Variants in PARP10 observed in about 807,000 individuals in gnomAD.
PARP10 encodes the protein poly(ADP-ribose) polymerase family member 10.
PARP10 carries 56 observed loss-of-function variants against 82.4 expected under a neutral mutation model. That is an observed-to-expected ratio of 0.68 (90% confidence interval 0.55 to 0.85). The LOEUF is 0.85. PARP10 is among the 40% of genes least tolerant of loss of function. The probability of loss-of-function intolerance (pLI) is 0.00; values close to 1 mark genes in which losing one functional copy is unlikely to be tolerated. For missense variants in PARP10, 1,227 were observed against 1,379.4 expected, an observed-to-expected ratio of 0.89 and a Z score of 1.75; for synonymous variants, 576 against 601.1, an observed-to-expected ratio of 0.96 and a Z score of 0.61.
chr8:143,981,381 TGAA>T (rs1554747695), intron 9 of PARP10, among the ~76,000 whole-genome samples: 3 of 91,620 alleles, frequency 3.3e-5, no homozygotes, highest in South Asian at 7.9e-4. Context: ...CAGTGAGTGG[TGAA>T]GGTGATGGTG....
At chr8:143,993,084 G>A (rs911388158), upstream of PARP10, 16 of 514,436 alleles carry the variant, frequency 3.1e-5, no homozygotes, top group Middle Eastern at 1.1e-3. Context: ...CCACGTTTCC[G>A]TGCCACCTCC....
rs141064544 is a variant in PARP10, at chr8:143,985,161, C to T, written c.841G>A (p.Gly281Arg). The T allele has an allele frequency of 9.4e-4, 1,513 of 1,614,194 alleles. 2 individuals are homozygous for T. Among genetic ancestry groups the T allele is most frequent in the Non-Finnish European group, 1.2e-3 (1,358 of 1,180,032 alleles). The change falls in exon 5 of 11, where the codon GGA becomes AGA. Residue 281 changes from glycine (G) to arginine (R), a missense_variant. Transcript: ENST00000313028. ...CCCTGCAGAGCCGTCACCAACCCTC[C>T]GGTCCTCAGGAGAGCATGCTTGGTA... ...RATKHALLRT[G>R]GLVTALQGAG...
rs1554752224 is a variant in PARP10, at chr8:144,008,602, CG to C, written c.-80+3927del. 8.5e-5 allele frequency among the ~76,000 whole-genome samples: 13 copies of C among 152,206 alleles called. No individual in the cohort carries two copies. Among genetic ancestry groups the C allele is most frequent in the Non-Finnish European group, 1.8e-4 (12 of 68,042 alleles). ...CCCCAGGAGGTTCCTGTCACTCCTGCGGGCCCAGCCTCCCTGCAGCCAGGAA... is the reference window on the plus strand; with the variant it reads ...CCCCAGGAGGTTCCTGTCACTCCTGCGGCCCAGCCTCCCTGCAGCCAGGAA... On this transcript the variant is annotated intron_variant, in intron 1 of 3. Coordinates refer to the PARP10 transcript ENST00000530478. The surrounding 1 kb of genome is among the most constrained non-coding windows in gnomAD (Gnocchi z 4.0).
rs750348050 is a variant in PARP10, at chr8:144,008,215, C to T, written c.-80+4315G>A. On this transcript the variant is annotated intron_variant, in intron 1 of 3. Coordinates refer to the PARP10 transcript ENST00000530478. This position sits in a 1 kb window ranked among gnomAD's most constrained non-coding sequence, Gnocchi z 4.0. ...CTGCTTCCCAGGAGGTGCCTCTCAGCGCACCCAGCATGGAGGCAGCACGTT... is the reference window on the plus strand; with the variant it reads ...CTGCTTCCCAGGAGGTGCCTCTCAGTGCACCCAGCATGGAGGCAGCACGTT... Among the ~76,000 whole-genome samples, 16 of 152,144 alleles carry T rather than the reference C, an allele frequency of 1.1e-4. No individual in the cohort carries two copies. The highest frequency in any genetic ancestry group is 1.9e-4 in the African/African-American group (8 of 41,426).
chr8:143,993,621 T>G (rs1834135846), upstream of PARP10, among the ~76,000 whole-genome samples: 1 of 152,152 alleles, frequency 6.6e-6, no homozygotes, highest in South Asian at 2.1e-4. Context: ...CAGAGTGAGT[T>G]AAGCCTGTGC....
chr8:143,981,016 G>A (rs1833837084), intron 9 of PARP10, among the ~76,000 whole-genome samples: 2 of 150,796 alleles, frequency 1.3e-5, no homozygotes, highest in South Asian at 4.2e-4. Context: ...CTTCCATGCG[G>A]GAAGGCAAGA....
chr8:143,992,473 C>T (rs200336766), upstream of PARP10: 39 of 1,614,156 alleles, frequency 2.4e-5, no homozygotes, highest in East Asian at 1.3e-4. Context: ...AGACCCGCTA[C>T]GACTTCACCT....
At chr8:143,991,394 C>A, upstream of PARP10, 2 of 1,158,084 alleles carry the variant, frequency 1.7e-6, no homozygotes, top group Non-Finnish European at 2.4e-6. Flanking sequence ...AGCCAGGGTA[C>A]CCCCATGGCC....
intron 9 of PARP10, among the ~76,000 whole-genome samples, chr8:143,978,731 G>C (rs1459231174): frequency 6.6e-6 from 1 of 152,082 alleles, no homozygotes; most frequent in Non-Finnish European, 1.5e-5. Context: ...AGAAGCTAAC[G>C]GAAGAGAAAG....
intron 9 of PARP10, among the ~76,000 whole-genome samples, chr8:143,981,294 G>A (rs541250352): frequency 1.3e-5 from 2 of 149,674 alleles, no homozygotes; most frequent in South Asian, 4.2e-4. Context: ...GGTGGCCACG[G>A]TGGTGGTGGT....
chr8:143,984,135 C>A, intron 6 of PARP10, 31 bp from the exon 7 acceptor site: 1 of 1,566,080 alleles, frequency 6.4e-7, no homozygotes, highest in Non-Finnish European at 8.7e-7. Context: ...GACCACTAGC[C>A]TCTGGGCAAG....
rs1282325937 is a variant in PARP10 at position 144,011,865 on chromosome 8, G to C, written c.-80+665C>G. On this transcript the variant is annotated intron_variant, in intron 1 of 3. Transcript: ENST00000530478. This position sits in a 1 kb window ranked among gnomAD's most constrained non-coding sequence, Gnocchi z 4.5. ...GTAAGATAGAGACTCTGAGCACCTG[G>C]GTCAGAAGAAATCATGGGCGAGTGT... Among the ~76,000 whole-genome samples, 2 of 152,104 alleles carry C rather than the reference G, an allele frequency of 1.3e-5. No homozygotes were observed. The highest frequency in any genetic ancestry group is 1.3e-4 in the Admixed American group (2 of 15,260).
intron 1 of PARP10, chr8:144,012,406 A>AG: frequency 1.1e-6 from 1 of 923,052 alleles, no homozygotes; most frequent in Non-Finnish European, 1.7e-6. Flanking sequence ...CCACTGGGCC[A>AG]GCCTTGCAGA....
intron 1 of PARP10, among the ~76,000 whole-genome samples, chr8:144,002,146 C>G (rs1318415945): frequency 1.3e-5 from 2 of 152,198 alleles, no homozygotes; most frequent in African/African-American, 4.8e-5. Flanking sequence ...ATTTTCTCTA[C>G]TTTTCAATAG....
At chr8:143,991,721 G>T (rs1229001350), upstream of PARP10, 11 of 1,613,532 alleles carry the variant, frequency 6.8e-6, no homozygotes, top group African/African-American at 1.1e-4. Flanking sequence ...CCAGGAGGAG[G>T]GTCCCCCATC....
At position 143,978,064 on chromosome 8, in the gene PARP10, G is replaced by A. The variant is rs995396974; in HGVS notation, c.2574C>T (p.His858=). 5 of 1,533,908 alleles carry A rather than the reference G, an allele frequency of 3.3e-6. No homozygotes were observed. The African/African-American group carries it at 4.1e-5, about 13-fold the overall frequency. The change falls in exon 10 of 11, where the codon CAC becomes CAT. Residue 858 remains histidine, a synonymous_variant. Transcript: ENST00000313028. The part of the protein sequence containing the change: ...IRVVRVERVS[H]PLLQQQYELY... Reference sequence around the variant, plus strand: ...GCTCATACTGCTGCTGCAGCAGCGGGTGCGACACGCGCTCCACCTGCGGGG... The same window carrying A: ...GCTCATACTGCTGCTGCAGCAGCGGATGCGACACGCGCTCCACCTGCGGGG...
intron 1 of PARP10, among the ~76,000 whole-genome samples, chr8:144,004,795 C>A (rs1420161745): frequency 2.6e-5 from 4 of 152,152 alleles, no homozygotes; most frequent in Non-Finnish European, 5.9e-5. Flanking sequence ...GACAGAGGCA[C>A]CAAGTCAGAC....
chr8:143,977,446 A>G lies in PARP10; in HGVS notation c.*38T>C. On this transcript the variant is annotated 3_prime_UTR_variant, in exon 11 of 11. Transcript: ENST00000313028. Reference sequence around the variant, plus strand: ...GAGCATCAGCCTGTGCGGAGCTGGGAGCCTGGGAAGCAGGAGGCCAGAGGG... The same window carrying G: ...GAGCATCAGCCTGTGCGGAGCTGGGGGCCTGGGAAGCAGGAGGCCAGAGGG... 6.7e-7 allele frequency: 1 copy of G among 1,483,004 alleles called. No homozygotes were observed. Among genetic ancestry groups the G allele is most frequent in the Non-Finnish European group, 9.0e-7 (1 of 1,106,116 alleles). The allele number at this position is 1,483,004 out of a possible 1,614,324, so 91.9% of individuals were successfully genotyped here. A position where few individuals can be genotyped will look rare whatever the true frequency, so the allele number is the denominator to read the frequency against.
At chr8:143,998,813 G>A (rs1459750506) in intron 1 of PARP10, among the ~76,000 whole-genome samples, 1 of 152,086 alleles carries the variant, frequency 6.6e-6, no homozygotes, top group Non-Finnish European at 1.5e-5. Context: ...AGCCAGGCAT[G>A]GTTGTGTGTG....
Sources: gnomAD v4.1 joint callset for allele counts (sites outside exome capture counted in the v4.1 genomes callset) on GRCh38, gnomAD v4.1.1 for gene constraint, Gnocchi (gnomAD v3.1) non-coding constraint, MANE v1.5 for transcripts, NCBI Gene and HGNC (gene_info 2026-07-23, HGNC 2026-07-21) for gene names.